PELI2: variants seen among roughly 807,000 people sequenced by gnomAD.
PELI2 encodes the protein E3 ubiquitin-protein ligase pellino homolog 2.
In PELI2, 23 loss-of-function variants were observed where a neutral mutation model predicts 42.3. That is an observed-to-expected ratio of 0.54 (90% CI 0.39 to 0.77). PELI2 has a LOEUF of 0.77. Ranked by LOEUF, PELI2 falls within the 30% of genes least tolerant of loss-of-function variation. The pLI is 0.00. For missense variants in PELI2, 463 were observed against 553.2 expected, an observed-to-expected ratio of 0.84 and a Z score of 1.64; for synonymous variants, 245 against 212.2, an observed-to-expected ratio of 1.15 and a Z score of -1.34.
intron 2 of PELI2, among the ~76,000 whole-genome samples, chr14:56,245,135 A>G (rs1888105552): frequency 2.0e-5 from 3 of 152,222 alleles, no homozygotes; most frequent in Admixed American, 2.0e-4. Flanking sequence ...TTTCCAATAA[A>G]TTCCAAGCGA....
chr14:56,134,771 TA>T (rs1883625860), intron 1 of PELI2, among the ~76,000 whole-genome samples: 1 of 148,784 alleles, frequency 6.7e-6, no homozygotes, highest in Admixed American at 6.8e-5. Context: ...ATCTTGTCAG[TA>T]AACTATTTTT....
chr14:56,198,050 T>G (rs1296670009), intron 2 of PELI2, among the ~76,000 whole-genome samples: 2 of 150,450 alleles, frequency 1.3e-5, no homozygotes, highest in Non-Finnish European at 2.9e-5. Context: ...GAACCCTGAC[T>G]AATACAACTA....
chr14:56,172,832 G>T (rs146658975), intron 1 of PELI2, among the ~76,000 whole-genome samples: 115 of 152,268 alleles, frequency 7.6e-4, no homozygotes, highest in Middle Eastern at 3.4e-3. Flanking sequence ...AATCGTGGTT[G>T]TGCATTTTCT....
At chr14:56,251,772 AGCTGT>A (rs1383148259) in intron 2 of PELI2, among the ~76,000 whole-genome samples, 1 of 152,244 alleles carries the variant, frequency 6.6e-6, no homozygotes, top group African/African-American at 2.4e-5. Flanking sequence ...CTAAAATGTT[AGCTGT>A]GCTAATTATT....
chr14:56,287,235 C>G (rs1032881157), intron 3 of PELI2, among the ~76,000 whole-genome samples: 1 of 152,206 alleles, frequency 6.6e-6, no homozygotes, highest in Non-Finnish European at 1.5e-5. Flanking sequence ...TCCTAAACTT[C>G]ACTGGAATAG....
intron 1 of PELI2, chr14:56,119,843 A>G: frequency 1.0e-6 from 1 of 985,350 alleles, no homozygotes; most frequent in Non-Finnish European, 1.2e-6. Context: ...CTGTATTCAG[A>G]ACATCCTCGG....
At chr14:56,152,360 G>C (rs1884394169) in intron 1 of PELI2, among the ~76,000 whole-genome samples, 1 of 152,138 alleles carries the variant, frequency 6.6e-6, no homozygotes, top group Admixed American at 6.5e-5. Flanking sequence ...GAAGGATTCT[G>C]GACAGGGCTT....
At chr14:56,255,350 G>A (rs1342148762) in intron 2 of PELI2, among the ~76,000 whole-genome samples, 2 of 152,174 alleles carry the variant, frequency 1.3e-5, no homozygotes, top group Non-Finnish European at 2.9e-5. Flanking sequence ...CATGAATGAA[G>A]CTGGAAACCA....
chr14:56,178,803 A>G (rs769923806), intron 2 of PELI2, among the ~76,000 whole-genome samples: 1 of 152,216 alleles, frequency 6.6e-6, no homozygotes, highest in African/African-American at 2.4e-5. Context: ...AGTATACCAA[A>G]GCAGCTAGCA....
chr14:56,260,620 T>C (rs1888678333), intron 2 of PELI2, among the ~76,000 whole-genome samples: 1 of 152,214 alleles, frequency 6.6e-6, no homozygotes, highest in African/African-American at 2.4e-5. Flanking sequence ...TGTTAGTAAA[T>C]GTAAACTATA....
intron 1 of PELI2, among the ~76,000 whole-genome samples, chr14:56,153,287 A>G (rs947364940): frequency 3.3e-5 from 5 of 152,220 alleles, no homozygotes; most frequent in Admixed American, 2.6e-4. Flanking sequence ...GTTTTTGTAT[A>G]TAATGATTTT....
chr14:56,228,746 G>A (rs559742313), intron 2 of PELI2, among the ~76,000 whole-genome samples: 38 of 152,276 alleles, frequency 2.5e-4, no homozygotes, highest in African/African-American at 7.9e-4. Flanking sequence ...ATCTCACTGG[G>A]GCTTGTTGGA....
chr14:56,243,092 AGTTT>A (rs1224998088), intron 2 of PELI2, among the ~76,000 whole-genome samples: 208 of 152,302 alleles, frequency 1.4e-3, no homozygotes, highest in African/African-American at 4.9e-3. Context: ...GATATTTGCG[AGTTT>A]TCTAGATGTC....
In PELI2 at chr14:56,296,839, T is replaced by C. The variant is rs777752052; in HGVS notation, c.936T>C (p.Ser312=). ...AGAAGCAGCCCTGGGCATATCTCAG[T>C]TGTGGCCACGTGCACGGGTACCACA... is the stretch of plus-strand genomic sequence containing the variant. ...VEEKQPWAYL[S]CGHVHGYHNW... Residue 312 remains serine (S), a synonymous_variant, in exon 6 of 6, where the codon AGT becomes AGC. Transcript: ENST00000267460. The C allele has an allele frequency of 3.1e-6, 5 of 1,613,944 alleles. No individual in the cohort carries two copies. Among genetic ancestry groups the C allele is most frequent in the Non-Finnish European group, 3.4e-6 (4 of 1,180,018 alleles).
intron 2 of PELI2, among the ~76,000 whole-genome samples, chr14:56,182,105 G>A (rs113114084): frequency 0.014 from 2,204 of 152,282 alleles, 25 homozygotes; most frequent in Middle Eastern, 0.061. Flanking sequence ...ATTCAACTGC[G>A]CATTGTGGAA....
chr14:56,131,902 A>G (rs1265969358), intron 1 of PELI2, among the ~76,000 whole-genome samples: 2 of 152,210 alleles, frequency 1.3e-5, no homozygotes, highest in Non-Finnish European at 2.9e-5. Context: ...AAAATGAAAT[A>G]AAACTGCTCT....
intron 2 of PELI2, among the ~76,000 whole-genome samples, chr14:56,215,520 C>T (rs367671294): frequency 3.8e-4 from 58 of 152,268 alleles, no homozygotes; most frequent in Admixed American, 1.4e-3. Context: ...TTCAAAACAT[C>T]ATTAGTTCAT....
chr14:56,291,616 T>A (rs1429808082), intron 5 of PELI2, among the ~76,000 whole-genome samples: 1 of 152,220 alleles, frequency 6.6e-6, no homozygotes, highest in Non-Finnish European at 1.5e-5. Flanking sequence ...ATCTTTTGTT[T>A]CTGATCACTG....
At chr14:56,165,797 C>T (rs376725301) in intron 1 of PELI2, among the ~76,000 whole-genome samples, 1 of 151,956 alleles carries the variant, frequency 6.6e-6, no homozygotes, top group African/African-American at 2.4e-5. Context: ...GTTTTTTTCT[C>T]GAAATCAATT....
Sources: allele counts gnomAD v4.1 joint callset (sites outside exome capture counted in the v4.1 genomes callset), GRCh38; gene constraint gnomAD v4.1.1; transcripts MANE v1.5; gene names NCBI Gene and HGNC (gene_info 2026-07-23, HGNC 2026-07-21).